The following FER variants were observed in gnomAD, a reference collection of about 807,000 sequenced individuals.
FER encodes tyrosine-protein kinase Fer.
Under a neutral mutation model 111.0 loss-of-function variants are expected in FER, and 63 were observed. The ratio of observed to expected loss-of-function variants is 0.57; its 90% CI spans 0.46 to 0.70. The LOEUF (loss-of-function observed/expected upper bound fraction) is 0.70, where lower values mean the gene tolerates loss of function less well. FER is among the 30% of genes least tolerant of loss of function. FER has a pLI of 0.00. For missense variants in FER, 914 were observed against 954.0 expected, an observed-to-expected ratio of 0.96 and a Z score of 0.55; for synonymous variants, 327 against 313.9, an observed-to-expected ratio of 1.04 and a Z score of -0.44.
chr5:109,098,418 G>A (rs10900651), intron 16 of FER, among the ~76,000 whole-genome samples: 58,688 of 151,400 alleles, frequency 0.39, 11,983 homozygotes, highest in African/African-American at 0.52. Context: ...ACAACACTGG[G>A]GTTATGTCAT....
intron 13 of FER, among the ~76,000 whole-genome samples, chr5:108,997,103 G>C (rs560822491): frequency 6.6e-6 from 1 of 152,120 alleles, no homozygotes; most frequent in East Asian, 1.9e-4. Flanking sequence ...TTTGCACATT[G>C]ATTTTGTATC....
chr5:109,172,098 T>A (rs1016421296), intron 17 of FER, among the ~76,000 whole-genome samples: 1 of 148,014 alleles, frequency 6.8e-6, no homozygotes, highest in African/African-American at 2.5e-5. Context: ...GATCTAGAAC[T>A]AGAAATACCA....
intron 13 of FER, among the ~76,000 whole-genome samples, chr5:109,001,359 A>G (rs1409350029): frequency 6.6e-6 from 1 of 152,250 alleles, no homozygotes; most frequent in Non-Finnish European, 1.5e-5. Flanking sequence ...AATCCAGCGT[A>G]TAAACAGAAC....
intron 17 of FER, among the ~76,000 whole-genome samples, chr5:109,100,929 C>G (rs558726983): frequency 2.0e-4 from 30 of 151,820 alleles, no homozygotes; most frequent in Non-Finnish European, 3.5e-4. Flanking sequence ...CAATTCATAA[C>G]AGTGAATTTG....
chr5:109,167,792 G>T (rs1211407920), intron 17 of FER, among the ~76,000 whole-genome samples: 1 of 152,142 alleles, frequency 6.6e-6, no homozygotes, highest in Non-Finnish European at 1.5e-5. Context: ...TGAGGGGGAG[G>T]TACTTGTGGA....
intron 10 of FER, among the ~76,000 whole-genome samples, chr5:108,931,855 C>T (rs1263840395): frequency 1.3e-5 from 2 of 151,888 alleles, no homozygotes; most frequent in Non-Finnish European, 2.9e-5. Flanking sequence ...GTGCATAATT[C>T]TTAGGTATAA....
intron 2 of FER, among the ~76,000 whole-genome samples, chr5:108,781,061 G>T (rs539619035): frequency 1.3e-3 from 199 of 152,216 alleles, no homozygotes; most frequent in African/African-American, 4.3e-3. Flanking sequence ...CTTATATGCA[G>T]TCTATTTTAT....
intron 16 of FER, among the ~76,000 whole-genome samples, chr5:109,087,459 G>A (rs11955632): frequency 0.011 from 1,597 of 151,664 alleles, 22 homozygotes; most frequent in African/African-American, 0.037. Flanking sequence ...ATTAATTATT[G>A]AGAAAAAGTT....
chr5:108,997,002 G>T (rs1025940278), intron 13 of FER, among the ~76,000 whole-genome samples: 4 of 151,952 alleles, frequency 2.6e-5, no homozygotes, highest in African/African-American at 9.7e-5. Flanking sequence ...GGATTCCTAG[G>T]TATTTTATTC....
rs1401204246 is a variant in FER, at chr5:109,189,505, A to G, written c.*1930A>G. ...ATTTCAATCTCCTTGCAGATTTCATACATACTTAATGATTAGTACATTCAG... is the reference window on the plus strand; with the variant it reads ...ATTTCAATCTCCTTGCAGATTTCATGCATACTTAATGATTAGTACATTCAG... On this transcript the variant is annotated 3_prime_UTR_variant, in exon 20 of 20. Coordinates refer to ENST00000281092, the MANE Select transcript of FER (RefSeq NM_005246.4). 6.6e-6 allele frequency: 1 copy of G among 152,000 alleles called. No individual in the cohort carries two copies. The highest frequency in any genetic ancestry group is 1.5e-5 in the Non-Finnish European group (1 of 67,980). The allele number at this position is 152,000 out of a possible 1,614,324, so 9.4% of individuals were successfully genotyped here.
chr5:109,020,927 T>C (rs1263798041), intron 13 of FER, among the ~76,000 whole-genome samples: 1 of 152,062 alleles, frequency 6.6e-6, no homozygotes, highest in Non-Finnish European at 1.5e-5. Context: ...ATGAAATGTT[T>C]GTTTTTAACA....
intron 13 of FER, among the ~76,000 whole-genome samples, chr5:109,019,015 C>T (rs1400861633): frequency 6.6e-6 from 1 of 151,326 alleles, no homozygotes; most frequent in African/African-American, 2.4e-5. Context: ...TATTATCTAA[C>T]ACCATAATAT....
At chr5:108,896,315 T>G (rs917224580) in intron 9 of FER, among the ~76,000 whole-genome samples, 1 of 152,184 alleles carries the variant, frequency 6.6e-6, no homozygotes, top group Non-Finnish European at 1.5e-5. Flanking sequence ...TTCAAGAGAT[T>G]ACTGAGAAAT....
chr5:109,068,375 G>T (rs1561853161), intron 16 of FER, among the ~76,000 whole-genome samples: 1 of 151,954 alleles, frequency 6.6e-6, no homozygotes, highest in African/African-American at 2.4e-5. Context: ...GTAGAGATGG[G>T]GTTTCACCAT....
chr5:109,004,319 A>ACT (rs1322448436), intron 13 of FER, among the ~76,000 whole-genome samples: 2 of 152,188 alleles, frequency 1.3e-5, no homozygotes, highest in Admixed American at 1.3e-4. Flanking sequence ...TAATCACAGA[A>ACT]TAGTTTATTG....
intron 13 of FER, among the ~76,000 whole-genome samples, chr5:108,982,618 C>A (rs192418031): frequency 2.1e-3 from 319 of 152,140 alleles, no homozygotes; most frequent in Middle Eastern, 6.8e-3. Flanking sequence ...CTCTTATGAA[C>A]TATTCACTGC....
At chr5:108,801,828 A>G (rs775404864) in intron 3 of FER, among the ~76,000 whole-genome samples, 1 of 152,200 alleles carries the variant, frequency 6.6e-6, no homozygotes, top group Non-Finnish European at 1.5e-5. Flanking sequence ...CGGCATCACT[A>G]TCCTTGCAGT....
rs537791037 is a variant in FER at position 108,985,109 on chromosome 5, G to A, written c.1656+25762G>A. On this transcript the variant is annotated intron_variant, in intron 13 of 19. Transcript: ENST00000281092. Reference sequence around the variant, plus strand: ...TACAAATAACTCATAAAAATAGGGAGAAACATACTACAAATTCAGGGTTTA... The same window carrying A: ...TACAAATAACTCATAAAAATAGGGAAAAACATACTACAAATTCAGGGTTTA... Among the ~76,000 whole-genome samples the A allele has an allele frequency of 4.0e-4, 61 of 152,162 alleles. No homozygotes were observed. In the South Asian group the frequency reaches 0.012, roughly 30 times the overall value.
At chr5:108,921,065 T>A (rs1049038522) in intron 10 of FER, among the ~76,000 whole-genome samples, 1 of 152,116 alleles carries the variant, frequency 6.6e-6, no homozygotes, top group Non-Finnish European at 1.5e-5. Context: ...CTTCTTTTGA[T>A]AATTTCAGGT....
Sources: allele counts gnomAD v4.1 joint callset (sites outside exome capture counted in the v4.1 genomes callset), GRCh38; gene constraint gnomAD v4.1.1; transcripts MANE v1.5; gene names NCBI Gene and HGNC (gene_info 2026-07-23, HGNC 2026-07-21).